The following TAF1 variants were observed in gnomAD, a reference collection of about 807,000 sequenced individuals.
TAF1 encodes the protein transcription initiation factor TFIID subunit 1.
A neutral mutation model predicts 138.5 loss-of-function variants in TAF1; 2 were observed. The ratio of observed to expected loss-of-function variants is 0.01; its 90% CI spans 0.01 to 0.05. The LOEUF is 0.05. Among genes scored for constraint, TAF1 ranks in the 10% least tolerant of loss-of-function variants. The pLI is 1.00. For missense variants in TAF1, 709 were observed against 1,478.0 expected, an observed-to-expected ratio of 0.48 and a Z score of 8.53; for synonymous variants, 437 against 503.2, an observed-to-expected ratio of 0.87 and a Z score of 1.76.
intron 13 of TAF1, among the ~76,000 whole-genome samples, chrX:71,475,053 G>A (rs1389778264): frequency 9.0e-6 from 1 of 111,464 alleles, no homozygotes; most frequent in East Asian, 2.8e-4. Context: ...AAGAACTTAA[G>A]GAATAGGTTT....
chrX:71,473,621 C>T (rs1171665685), intron 13 of TAF1, among the ~76,000 whole-genome samples: 2 of 110,163 alleles, frequency 1.8e-5, no homozygotes, highest in Admixed American at 9.9e-5. Context: ...GAGAAGGCTA[C>T]AGTGAGCCGT....
chrX:71,500,834 G>T (rs1347936679), intron 13 of TAF1, among the ~76,000 whole-genome samples: 9 of 109,980 alleles, frequency 8.2e-5, no homozygotes, highest in Non-Finnish European at 1.7e-4. Context: ...AGGCTGAGGT[G>T]GGTGGATCAC....
intron 32 of TAF1, among the ~76,000 whole-genome samples, chrX:71,452,486 C>T (rs1278288899): frequency 9.1e-6 from 1 of 110,101 alleles, no homozygotes; most frequent in African/African-American, 3.3e-5. Context: ...AGACGCTCCT[C>T]ACTTCCTAGA....
chrX:71,459,793 A>G, intron 36 of TAF1, 85 bp downstream of exon 36: 1 of 1,157,807 alleles, frequency 8.6e-7, no homozygotes, highest in Non-Finnish European at 1.1e-6. Flanking sequence ...TTGGCCACAT[A>G]TGCTTTTATT....
At chrX:71,404,521 G>C (rs1162663425) in intron 25 of TAF1, among the ~76,000 whole-genome samples, 1 of 110,354 alleles carries the variant, frequency 9.1e-6, no homozygotes, top group Non-Finnish European at 1.9e-5. Context: ...ATTTTTAGTA[G>C]AGACAGGGTT....
At chrX:71,431,003 ATTTTTTTTT>A (rs41481947) in intron 32 of TAF1, among the ~76,000 whole-genome samples, 11 of 68,601 alleles carry the variant, frequency 1.6e-4, no homozygotes, top group Admixed American at 7.7e-4. Flanking sequence ...GCTCAGAAGA[ATTTTTTTTT>A]TTTTTTTTTT....
intron 26 of TAF1, among the ~76,000 whole-genome samples, chrX:71,407,072 C>T (rs919500652): frequency 2.8e-5 from 3 of 108,943 alleles, no homozygotes; most frequent in African/African-American, 1.0e-4. Context: ...CACACCACCA[C>T]ACCCAGCTAA....
intron 28 of TAF1, among the ~76,000 whole-genome samples, chrX:71,419,461 A>G (rs928215370): frequency 9.0e-6 from 1 of 111,534 alleles, no homozygotes; most frequent in African/African-American, 3.3e-5. Flanking sequence ...GGGAATTTAC[A>G]CTGGAGCTGC....
At position 71,433,736 on chromosome X, in the gene TAF1, A is replaced by G. The variant is rs1010376971; in HGVS notation, c.4753+9498A>G. 7.2e-5 allele frequency among the ~76,000 whole-genome samples: 8 copies of G among 111,265 alleles called. 1 individual carries two copies. The Admixed American group carries it at 7.7e-4, about 11-fold the overall frequency. On this transcript the variant is annotated intron_variant, in intron 32 of 37. Coordinates refer to ENST00000423759, the MANE Select transcript of TAF1 (RefSeq NM_004606.5). Reference sequence around the variant, plus strand: ...CCAAGTCTTCAACCTCTGGCATAGTAAAAAACAGGCCTTAGAGTAGGAGAG... The same window carrying G: ...CCAAGTCTTCAACCTCTGGCATAGTGAAAAACAGGCCTTAGAGTAGGAGAG...
At chrX:71,491,193 G>T (rs1050273367) in intron 13 of TAF1, 4 of 110,402 alleles carry the variant, frequency 3.6e-5, no homozygotes, top group African/African-American at 1.3e-4. Context: ...TAGGCAGAAT[G>T]CGACAGAAGA....
At chrX:71,438,478 T>G (rs1298599585) in intron 32 of TAF1, among the ~76,000 whole-genome samples, 2 of 111,885 alleles carry the variant, frequency 1.8e-5, no homozygotes, top group African/African-American at 6.5e-5. Context: ...ACAGCCAGAC[T>G]TCTTTTATGA....
At chrX:71,422,984 C>G (rs1420263658) in intron 29 of TAF1, 133 bp from the exon 30 acceptor site, 50 of 832,257 alleles carry the variant, frequency 6.0e-5, no homozygotes, top group Non-Finnish European at 7.4e-5. Context: ...CCTTGTGATC[C>G]GCCCGCCTCA....
intron 28 of TAF1, among the ~76,000 whole-genome samples, chrX:71,410,741 G>T (rs758217377): frequency 4.8e-4 from 53 of 110,424 alleles, no homozygotes; most frequent in African/African-American, 1.2e-3. Flanking sequence ...ACAGGCATGA[G>T]ACACTGCACC....
At chrX:71,453,672 G>T (rs1008983378) in intron 32 of TAF1, among the ~76,000 whole-genome samples, 2 of 110,397 alleles carry the variant, frequency 1.8e-5, no homozygotes, top group Middle Eastern at 4.7e-3. Flanking sequence ...ATAATGACAT[G>T]TATCCACCAT....
intron 32 of TAF1, among the ~76,000 whole-genome samples, chrX:71,432,194 A>G (rs1172027574): frequency 9.0e-6 from 1 of 111,150 alleles, no homozygotes; most frequent in Non-Finnish European, 1.9e-5. Context: ...GGAAGTAGAC[A>G]ATATGTTGAG....
At chrX:71,393,264 G>GTA (rs61620248) in intron 20 of TAF1, 37 bp from the exon 21 acceptor site, 8 of 1,086,102 alleles carry the variant, frequency 7.4e-6, no homozygotes, top group South Asian at 2.1e-5. Flanking sequence ...GTGTGTGTGT[G>GTA]TATATTTATA....
At chrX:71,398,905 G>T (rs1344675777) in intron 24 of TAF1, among the ~76,000 whole-genome samples, 168 bp downstream of exon 24, 1 of 111,904 alleles carries the variant, frequency 8.9e-6, no homozygotes, top group Admixed American at 9.5e-5. Flanking sequence ...AATGTGAGTG[G>T]TATTGACAAT....
intron 5 of TAF1, 102 bp from the exon 6 acceptor site, chrX:71,377,501 C>T (rs2033562559): frequency 1.0e-6 from 1 of 978,786 alleles, no homozygotes; most frequent in African/African-American, 1.9e-5. Flanking sequence ...TGTTTCTCCC[C>T]CACATTTGAA....
intron 13 of TAF1, among the ~76,000 whole-genome samples, chrX:71,505,818 C>T (rs762159067): frequency 5.3e-4 from 59 of 110,503 alleles, no homozygotes; most frequent in African/African-American, 1.8e-3. Context: ...GTCAGGGGTT[C>T]GAGACCAGCC....
Sources: allele counts gnomAD v4.1 joint callset (sites outside exome capture counted in the v4.1 genomes callset), GRCh38; gene constraint gnomAD v4.1.1; transcripts MANE v1.5; gene names NCBI Gene and HGNC (gene_info 2026-07-23, HGNC 2026-07-21).